RANBP2: variants seen among roughly 807,000 people sequenced by gnomAD.
RANBP2 encodes E3 SUMO-protein ligase RanBP2.
A neutral mutation model predicts 303.6 loss-of-function variants in RANBP2; 57 were observed. That is an observed-to-expected ratio of 0.19 (90% CI 0.15 to 0.23). The LOEUF (loss-of-function observed/expected upper bound fraction) is 0.23, where lower values mean the gene tolerates loss of function less well. Ranked by LOEUF, RANBP2 falls within the 10% of genes least tolerant of loss-of-function variation. The pLI, the probability that RANBP2 is intolerant of heterozygous loss-of-function variation, is 1.00. For synonymous variants in RANBP2, 1,167 were observed against 1,301.5 expected (o/e 0.90, Z 2.23); for missense variants, 3,138 against 3,780.8 (o/e 0.83, Z 4.46).
chr2:109,054,804 T>A, the RANBP2 span, among the ~76,000 whole-genome samples: 2 of 152,084 alleles, frequency 1.3e-5, no homozygotes, highest in African/African-American at 4.8e-5. Flanking sequence ...ACCAGTATGT[T>A]CCCTTGTCCC....
At chr2:109,540,833 G>A in the RANBP2 span, among the ~76,000 whole-genome samples, 1 of 147,594 alleles carries the variant, frequency 6.8e-6, no homozygotes, top group East Asian at 2.0e-4. Flanking sequence ...TTAGCTTTTA[G>A]TTAAAATTTG....
the RANBP2 span, among the ~76,000 whole-genome samples, chr2:109,298,285 G>C: frequency 6.7e-6 from 1 of 148,212 alleles, no homozygotes; most frequent in South Asian, 2.2e-4. Flanking sequence ...AGAGAACTCC[G>C]TGGCTGGCTA....
the RANBP2 span, among the ~76,000 whole-genome samples, chr2:109,370,108 G>A: frequency 7.2e-5 from 11 of 152,228 alleles, no homozygotes; most frequent in Admixed American, 6.5e-4. Flanking sequence ...TGCCGAAGGA[G>A]GGATGGTTCC....
At chr2:108,873,808 C>G in the RANBP2 span, among the ~76,000 whole-genome samples, 2 of 152,126 alleles carry the variant, frequency 1.3e-5, no homozygotes, top group South Asian at 4.1e-4. Flanking sequence ...TTGTGTTGGG[C>G]CACATTCAAA....
chr2:109,616,281 C>T, the RANBP2 span: 18 of 566,318 alleles, frequency 3.2e-5, no homozygotes, highest in African/African-American at 3.3e-4. Context: ...TACCTCTTCT[C>T]TGCCCTCCAC....
At chr2:108,753,223 G>A (rs1375270739) in intron 13 of RANBP2, 64 bp downstream of exon 13, 7 of 1,610,554 alleles carry the variant, frequency 4.3e-6, no homozygotes, top group Non-Finnish European at 5.9e-6. Flanking sequence ...CAAAGACATA[G>A]AGCTATACAC....
the RANBP2 span, among the ~76,000 whole-genome samples, chr2:109,450,799 A>T: frequency 6.6e-6 from 1 of 152,170 alleles, no homozygotes; most frequent in Non-Finnish European, 1.5e-5. Context: ...CACTCTGTGT[A>T]TTGGCCTTGC....
At chr2:108,958,735 A>G in the RANBP2 span, among the ~76,000 whole-genome samples, 1 of 152,146 alleles carries the variant, frequency 6.6e-6, no homozygotes, top group Non-Finnish European at 1.5e-5. Context: ...GGCCCAGGAG[A>G]CCTAAAGCTC....
At chr2:108,805,705 C>T in the RANBP2 span, among the ~76,000 whole-genome samples, 5 of 151,042 alleles carry the variant, frequency 3.3e-5, no homozygotes, top group African/African-American at 1.2e-4. Context: ...CCAGCCTGGG[C>T]GACAGAGCGA....
chr2:108,782,872 A>AT lies in RANBP2; in HGVS notation c.9369+12dup, dbSNP rs1316765527. ...AGATTTTGTTTGCCAAGTAGGTATT[A>AT]TTAAGTACATACCACAATTGAGGTC... On this transcript the variant is annotated intron_variant, in intron 28 of 28. Transcript: ENST00000283195. 6.3e-7 allele frequency: 1 copy of AT among 1,599,966 alleles called. No individual in the cohort carries two copies. Among genetic ancestry groups the AT allele is most frequent in the Admixed American group, 1.7e-5 (1 of 60,014 alleles).
chr2:109,582,578 C>G, the RANBP2 span, among the ~76,000 whole-genome samples: 1 of 152,182 alleles, frequency 6.6e-6, no homozygotes. Flanking sequence ...TCCTTGACCT[C>G]CCAGAGTGCT....
the RANBP2 span, among the ~76,000 whole-genome samples, chr2:109,055,482 C>G: frequency 6.6e-6 from 1 of 151,514 alleles, no homozygotes; most frequent in Non-Finnish European, 1.5e-5. Flanking sequence ...CTGCCTCAGC[C>G]TCTCGAGTAG....
chr2:109,619,939 C>T, the RANBP2 span, among the ~76,000 whole-genome samples: 6 of 152,136 alleles, frequency 3.9e-5, 1 homozygote, highest in Non-Finnish European at 8.8e-5. Flanking sequence ...AAACTTGTTT[C>T]TCAAGATACA....
At chr2:109,304,379 T>C in the RANBP2 span, among the ~76,000 whole-genome samples, 1 of 152,166 alleles carries the variant, frequency 6.6e-6, no homozygotes, top group Admixed American at 6.5e-5. Flanking sequence ...TTTAACATAA[T>C]GTCCTCCAAG....
the RANBP2 span, among the ~76,000 whole-genome samples, chr2:109,485,326 T>G: frequency 2.6e-5 from 4 of 152,270 alleles, no homozygotes; most frequent in African/African-American, 9.6e-5. Flanking sequence ...CAGGTTTACT[T>G]CATTTTCATG....
chr2:108,927,733 T>C, the RANBP2 span, among the ~76,000 whole-genome samples: 1 of 152,102 alleles, frequency 6.6e-6, no homozygotes, highest in Admixed American at 6.5e-5. Flanking sequence ...CATCTCTGGG[T>C]TAGCTATCTA....
At chr2:109,412,212 T>G in the RANBP2 span, among the ~76,000 whole-genome samples, 6 of 152,266 alleles carry the variant, frequency 3.9e-5, no homozygotes, top group Non-Finnish European at 7.3e-5. Flanking sequence ...GCCTTCAGCC[T>G]CTGCCCAGCA....
At chr2:108,953,149 C>T in the RANBP2 span, among the ~76,000 whole-genome samples, 1 of 152,220 alleles carries the variant, frequency 6.6e-6, no homozygotes, top group African/African-American at 2.4e-5. Flanking sequence ...TCCATCTGTG[C>T]TCTTGGAGTC....
the RANBP2 span, among the ~76,000 whole-genome samples, chr2:108,974,638 G>A: frequency 1.3e-5 from 2 of 152,070 alleles, no homozygotes; most frequent in African/African-American, 4.8e-5. Context: ...GCTGAGGCAG[G>A]AGAATCGCTT....
Sources: gnomAD v4.1 joint callset for allele counts (sites outside exome capture counted in the v4.1 genomes callset) on GRCh38, gnomAD v4.1.1 for gene constraint, MANE v1.5 for transcripts, NCBI Gene and HGNC (gene_info 2026-07-23, HGNC 2026-07-21) for gene names.